TDRD10: variants seen among roughly 807,000 people sequenced by gnomAD.
The protein encoded by TDRD10 is tudor domain containing 10.
In TDRD10, 40 loss-of-function variants were observed where a neutral mutation model predicts 48.0. That is an observed-to-expected ratio of 0.83 (90% CI 0.65 to 1.09). The LOEUF (loss-of-function observed/expected upper bound fraction) is 1.09, where lower values mean the gene tolerates loss of function less well. Among genes scored for constraint, TDRD10 ranks in the 50% least tolerant of loss-of-function variants. The pLI, the probability that TDRD10 is intolerant of heterozygous loss-of-function variation, is 0.00. For missense variants in TDRD10, 378 were observed against 434.7 expected, an observed-to-expected ratio of 0.87 and a Z score of 1.16; for synonymous variants, 162 against 170.4, an observed-to-expected ratio of 0.95 and a Z score of 0.38.
intron 6 of TDRD10, among the ~76,000 whole-genome samples, chr1:154,540,385 G>A (rs886139422): frequency 6.6e-6 from 1 of 151,762 alleles, no homozygotes; most frequent in African/African-American, 2.4e-5. Context: ...GTAGTGATGC[G>A]GTAGGCTGAG....
At position 154,547,980 on chromosome 1, in the gene TDRD10, T is replaced by C. The variant is rs1321201839; in HGVS notation, c.*270T>C. 4 of 546,108 alleles carry C rather than the reference T, an allele frequency of 7.3e-6. No individual in the cohort carries two copies. Among genetic ancestry groups the C allele is most frequent in the African/African-American group, 5.7e-5 (3 of 52,834 alleles). 33.8% of individuals were successfully genotyped at this position (546,108 alleles called of 1,614,324 possible). On this transcript the variant is annotated 3_prime_UTR_variant, in exon 13 of 13. Transcript: ENST00000368482. The stretch of plus-strand genomic sequence containing the variant: ...CATTAGGTTGAAAGCCTGAGGCAGC[T>C]GGGATGGTCTTTCTTGTGTCTCTTC...
intron 1 of TDRD10, among the ~76,000 whole-genome samples, chr1:154,505,993 A>G (rs1453236986): frequency 6.6e-6 from 1 of 152,202 alleles, no homozygotes; most frequent in East Asian, 1.9e-4. Flanking sequence ...TCTAACTCCA[A>G]AAGTTCTGTT....
intron 6 of TDRD10, chr1:154,534,495 A>G (rs1348506987): frequency 1.3e-5 from 2 of 152,286 alleles, no homozygotes; most frequent in Non-Finnish European, 2.9e-5. Context: ...CGATCAAGTC[A>G]GCCACCTTTG....
At chr1:154,521,591 A>G in intron 6 of TDRD10, 112 bp downstream of exon 6, 1 of 1,285,594 alleles carries the variant, frequency 7.8e-7, no homozygotes, top group Non-Finnish European at 1.1e-6. Flanking sequence ...ACTGTGGAGA[A>G]GAAGGCAGGG....
Position 154,508,385 on chromosome 1 carries a change from T to C in TDRD10, c.83-38T>C, listed in dbSNP as rs200759182. 149 of 1,403,320 alleles carry C rather than the reference T, an allele frequency of 1.1e-4. 1 individual carries two copies. In the East Asian group the frequency reaches 3.4e-3, roughly 32 times the overall value. The allele number at this position is 1,403,320 out of a possible 1,614,324, so 86.9% of individuals were successfully genotyped here. A position where few individuals can be genotyped will look rare whatever the true frequency, so the allele number is the denominator to read the frequency against. On this transcript the variant is annotated intron_variant, in intron 3 of 12. Coordinates refer to ENST00000368482, the MANE Select transcript of TDRD10 (RefSeq NM_182499.4). The stretch of plus-strand genomic sequence containing the variant: ...CTGACTCCTCTGAATCCTCTAACCG[T>C]ATGTATGCCTGCCATTTAATGCTGT...
chr1:154,544,922 C>T lies in TDRD10; in HGVS notation c.925C>T (p.Leu309=). The change falls in exon 11 of 13, where the codon CTG becomes TTG. Residue 309 remains leucine, a synonymous_variant. Transcript: ENST00000368482. ...DSDDFWTIPP[L]TQPFMLEKDI... ...CGACGACTTCTGGACCATCCCACCC[C>T]TGACTCAGCCATTCATGCTGGAGAA... The T allele has an allele frequency of 1.9e-6, 3 of 1,614,198 alleles. No homozygotes were observed. The highest frequency in any genetic ancestry group is 1.7e-6 in the Non-Finnish European group (2 of 1,180,038).
intron 3 of TDRD10, among the ~76,000 whole-genome samples, chr1:154,508,193 G>A (rs1199313382): frequency 2.0e-5 from 3 of 152,182 alleles, no homozygotes; most frequent in Non-Finnish European, 2.9e-5. Flanking sequence ...TTGTAGGGGT[G>A]TATGTGCATG....
At chr1:154,516,861 G>C (rs986836341) in intron 4 of TDRD10, among the ~76,000 whole-genome samples, 4 of 152,110 alleles carry the variant, frequency 2.6e-5, no homozygotes, top group Non-Finnish European at 5.9e-5. Flanking sequence ...GTGGGAGGTT[G>C]GCTTGAGCCT....
intron 4 of TDRD10, among the ~76,000 whole-genome samples, chr1:154,513,427 C>T (rs1033430972): frequency 6.6e-6 from 1 of 152,104 alleles, no homozygotes; most frequent in Non-Finnish European, 1.5e-5. Flanking sequence ...CTCATAAATG[C>T]AGAAGAAATG....
At position 154,521,322 on chromosome 1, in the gene TDRD10, G is replaced by A. The variant is rs745899086; in HGVS notation, c.213-1G>A. ...CCTCCCTCTCTCTCTTCCCTTTTCA[G>A]CTTTGCATTTGTAGATCTGGGCTCC... On this transcript the variant is annotated splice_acceptor_variant, in intron 5 of 12. Transcript: ENST00000368482. LOFTEE classifies it high-confidence loss of function. 1 of 1,614,000 alleles carries A rather than the reference G, an allele frequency of 6.2e-7. No homozygotes were observed. Among genetic ancestry groups the A allele is most frequent in the South Asian group, 1.1e-5 (1 of 91,060 alleles).
At chr1:154,525,436 T>A (rs1694262011) in intron 6 of TDRD10, among the ~76,000 whole-genome samples, 1 of 152,094 alleles carries the variant, frequency 6.6e-6, no homozygotes, top group African/African-American at 2.4e-5. Flanking sequence ...CACTTAGAAC[T>A]GAATAATGAG....
At chr1:154,511,494 A>T (rs1384209634) in intron 4 of TDRD10, among the ~76,000 whole-genome samples, 1 of 151,296 alleles carries the variant, frequency 6.6e-6, no homozygotes, top group Non-Finnish European at 1.5e-5. Context: ...TACTAATAAT[A>T]CAAATTATTA....
intron 6 of TDRD10, among the ~76,000 whole-genome samples, chr1:154,529,877 C>T (rs915981660): frequency 6.6e-6 from 1 of 152,154 alleles, no homozygotes; most frequent in African/African-American, 2.4e-5. Context: ...CAAAGTTCTA[C>T]CTTTTATCAT....
At chr1:154,504,132 G>A (rs1693012809) in intron 1 of TDRD10, among the ~76,000 whole-genome samples, 1 of 152,174 alleles carries the variant, frequency 6.6e-6, no homozygotes, top group Non-Finnish European at 1.5e-5. Flanking sequence ...GTGGAATCAT[G>A]CAATATGTGG....
At chr1:154,508,067 A>G (rs1284074934) in intron 3 of TDRD10, among the ~76,000 whole-genome samples, 1 of 152,138 alleles carries the variant, frequency 6.6e-6, no homozygotes, top group African/African-American at 2.4e-5. Context: ...CCCTGCTGGG[A>G]AGGCAGGGGT....
At chr1:154,527,300 G>A (rs1694367775) in intron 6 of TDRD10, among the ~76,000 whole-genome samples, 1 of 152,208 alleles carries the variant, frequency 6.6e-6, no homozygotes. Flanking sequence ...CAGACAGTTT[G>A]ACCAATAAAA....
intron 5 of TDRD10, among the ~76,000 whole-genome samples, chr1:154,520,780 C>T (rs1445144708): frequency 2.0e-5 from 3 of 152,200 alleles, no homozygotes; most frequent in Non-Finnish European, 2.9e-5. Context: ...CTCTGTCGCT[C>T]AGGCCGGAGT....
At position 154,542,927 on chromosome 1, in the gene TDRD10, G is replaced by A. The variant is rs149224158; in HGVS notation, c.503+106G>A. On this transcript the variant is annotated intron_variant, in intron 8 of 12. Coordinates refer to ENST00000368482, the MANE Select transcript of TDRD10 (RefSeq NM_182499.4). Reference sequence around the variant, plus strand: ...AGTACTGGGGTGGGGGATAGTTTTCGGGAACTCCTGTGTCAGACCCAGGCT... The same window carrying A: ...AGTACTGGGGTGGGGGATAGTTTTCAGGAACTCCTGTGTCAGACCCAGGCT... The A allele has an allele frequency of 8.4e-4, 725 of 867,386 alleles. 2 individuals carry two copies. In the African/African-American group the frequency reaches 0.011, roughly 13 times the overall value. The allele number at this position is 867,386 out of a possible 1,614,324, so 53.7% of individuals were successfully genotyped here. A position where few individuals can be genotyped will look rare whatever the true frequency, so the allele number is the denominator to read the frequency against.
intron 6 of TDRD10, among the ~76,000 whole-genome samples, chr1:154,533,854 G>A (rs923472111): frequency 6.6e-6 from 1 of 150,596 alleles, no homozygotes; most frequent in Admixed American, 6.6e-5. Context: ...TGGGATTGCA[G>A]GGCAGCCACT....
Sources: allele counts gnomAD v4.1 joint callset (sites outside exome capture counted in the v4.1 genomes callset), GRCh38; gene constraint gnomAD v4.1.1; transcripts MANE v1.5; gene names NCBI Gene and HGNC (gene_info 2026-07-23, HGNC 2026-07-21).